The following SCEL variants were observed in gnomAD, a reference collection of about 807,000 sequenced individuals.
SCEL encodes the protein sciellin.
A neutral mutation model predicts 117.6 loss-of-function variants in SCEL; 113 were observed. The ratio of observed to expected loss-of-function variants is 0.96; its 90% confidence interval spans 0.83 to 1.12. SCEL has a LOEUF of 1.12. Ranked by LOEUF, SCEL falls within the 50% of genes most tolerant of loss-of-function variation. The pLI is 0.00. For missense variants in SCEL, 785 were observed against 810.8 expected, an observed-to-expected ratio of 0.97 and a Z score of 0.39; for synonymous variants, 270 against 256.2, an observed-to-expected ratio of 1.05 and a Z score of -0.51.
chr13:77,573,894 T>C (rs974384988), intron 9 of SCEL, among the ~76,000 whole-genome samples: 1 of 152,170 alleles, frequency 6.6e-6, no homozygotes, highest in Non-Finnish European at 1.5e-5. Context: ...TTCTTTCCCC[T>C]CAGGCTGTTA....
intron 29 of SCEL, 119 bp downstream of exon 29, chr13:77,634,569 G>C (rs572031284): frequency 3.4e-5 from 21 of 624,318 alleles, no homozygotes; most frequent in African/African-American, 3.1e-4. Flanking sequence ...CCGTTTATAA[G>C]TACATTGAGT....
intron 3 of SCEL, among the ~76,000 whole-genome samples, chr13:77,557,624 A>G (rs118156903): frequency 0.025 from 3,776 of 152,266 alleles, 160 homozygotes; most frequent in East Asian, 0.13. Context: ...TTGTTTTTCC[A>G]TTACACGAAT....
chr13:77,556,788 A>T, intron 3 of SCEL, 75 bp downstream of exon 3: 1 of 1,031,998 alleles, frequency 9.7e-7, no homozygotes, highest in Non-Finnish European at 1.5e-6. Flanking sequence ...GCTAATGCTC[A>T]TCTGAAAAGT....
intron 1 of SCEL, among the ~76,000 whole-genome samples, chr13:77,546,582 C>T (rs1271573839): frequency 6.6e-6 from 1 of 151,832 alleles, no homozygotes; most frequent in Non-Finnish European, 1.5e-5. Flanking sequence ...AAGAATCACA[C>T]ATATCTTTTG....
chr13:77,543,176 C>T (rs983095004), intron 1 of SCEL, among the ~76,000 whole-genome samples: 39 of 151,052 alleles, frequency 2.6e-4, no homozygotes, highest in African/African-American at 8.3e-4. Flanking sequence ...CTCCGCCTCC[C>T]GGGTTCACGC....
intron 9 of SCEL, among the ~76,000 whole-genome samples, chr13:77,573,434 T>A (rs1389920630): frequency 6.6e-6 from 1 of 152,234 alleles, no homozygotes; most frequent in Non-Finnish European, 1.5e-5. Context: ...AACTCTGTGC[T>A]TATTTCATAT....
intron 27 of SCEL, among the ~76,000 whole-genome samples, chr13:77,620,006 C>G (rs1306507590): frequency 6.6e-6 from 1 of 152,068 alleles, no homozygotes. Flanking sequence ...TTCAGCAACT[C>G]CTAATGAAAT....
chr13:77,563,380 C>A (rs2085094761), intron 4 of SCEL, among the ~76,000 whole-genome samples: 2 of 152,084 alleles, frequency 1.3e-5, no homozygotes, highest in African/African-American at 4.8e-5. Flanking sequence ...TTAAACAAAG[C>A]ATTTATGGAT....
At chr13:77,600,158 C>T (rs568241109) in intron 15 of SCEL, 1 of 158,458 alleles carries the variant, frequency 6.3e-6, no homozygotes, top group African/African-American at 2.4e-5. Flanking sequence ...CTCTCTTTTT[C>T]TTTTCTTTAA....
chr13:77,603,542 C>T (rs988177826), intron 18 of SCEL, among the ~76,000 whole-genome samples: 1 of 152,172 alleles, frequency 6.6e-6, no homozygotes, highest in South Asian at 2.1e-4. Context: ...CCAGGCGAGG[C>T]TGGGCTGGCA....
intron 9 of SCEL, among the ~76,000 whole-genome samples, chr13:77,581,684 A>T (rs185069459): frequency 6.6e-6 from 1 of 152,334 alleles, no homozygotes; most frequent in Admixed American, 6.5e-5. Flanking sequence ...CATAAAAACC[A>T]AATAATTTGA....
intron 27 of SCEL, among the ~76,000 whole-genome samples, chr13:77,621,454 T>C (rs1047079208): frequency 2.2e-4 from 34 of 152,190 alleles, no homozygotes; most frequent in African/African-American, 7.7e-4. Context: ...TGTCTCTCAC[T>C]CAGGCTCTGG....
chr13:77,575,735 C>T (rs1049151972), intron 9 of SCEL, among the ~76,000 whole-genome samples: 2 of 152,168 alleles, frequency 1.3e-5, no homozygotes, highest in African/African-American at 4.8e-5. Flanking sequence ...AAGCTTGCTT[C>T]TTGGTCATTG....
At chr13:77,613,074 A>G (rs2088782657) in intron 23 of SCEL, 133 bp downstream of exon 23, 1 of 577,660 alleles carries the variant, frequency 1.7e-6, no homozygotes, top group African/African-American at 2.0e-5. Context: ...ATGTGTAATA[A>G]TGCTGGATAG....
chr13:77,579,495 C>T (rs2086146422), intron 9 of SCEL, among the ~76,000 whole-genome samples: 1 of 152,202 alleles, frequency 6.6e-6, no homozygotes, highest in Non-Finnish European at 1.5e-5. Flanking sequence ...CTCTCTTCCT[C>T]TCTGTGTTTC....
chr13:77,568,377 C>T lies in SCEL; in HGVS notation c.398+44C>T, dbSNP rs578134453. The T allele has an allele frequency of 6.2e-6, 8 of 1,285,898 alleles. No individual in the cohort carries two copies. The African/African-American group carries it at 1.2e-4, about 19-fold the overall frequency. The allele number at this position is 1,285,898 out of a possible 1,614,324, so 79.7% of individuals were successfully genotyped here. A position where few individuals can be genotyped will look rare whatever the true frequency, so the allele number is the denominator to read the frequency against. ...TGTAGTATATTTCTTTTTATGTATT[C>T]AAGAAAAACCAGGGAAAACCACCTC... On this transcript the variant is annotated intron_variant, in intron 7 of 32. Transcript: ENST00000349847.
At chr13:77,623,778 G>A (rs1455469520) in intron 27 of SCEL, among the ~76,000 whole-genome samples, 1 of 152,196 alleles carries the variant, frequency 6.6e-6, no homozygotes, top group Non-Finnish European at 1.5e-5. Context: ...ACAGCAGCCA[G>A]GATTATGCAG....
intron 9 of SCEL, among the ~76,000 whole-genome samples, chr13:77,575,799 A>G (rs1028322091): frequency 1.3e-4 from 20 of 152,346 alleles, no homozygotes; most frequent in Non-Finnish European, 2.6e-4. Flanking sequence ...TCTCTTGCTA[A>G]GAATGGAAAT....
rs1002679443 is a variant in SCEL at position 77,565,199 on chromosome 13, A to G, written c.290+1300A>G. 2.0e-4 allele frequency among the ~76,000 whole-genome samples: 30 copies of G among 152,208 alleles called. 1 individual carries two copies. The highest frequency in any genetic ancestry group is 2.9e-4 in the Non-Finnish European group (20 of 68,026). On this transcript the variant is annotated intron_variant, in intron 5 of 32. Transcript: ENST00000349847. ...ATAGACTAGACCTCACAGGCAATGT[A>G]GTTAGGTCATTCTCAGCCTTAGCTA... is the stretch of plus-strand genomic sequence containing the variant.
Sources: gnomAD v4.1 joint callset for allele counts (sites outside exome capture counted in the v4.1 genomes callset) on GRCh38, gnomAD v4.1.1 for gene constraint, MANE v1.5 for transcripts, NCBI Gene and HGNC (gene_info 2026-07-23, HGNC 2026-07-21) for gene names.